The following THSD7A variants were observed in gnomAD, a reference collection of about 807,000 sequenced individuals.
The protein encoded by THSD7A is thrombospondin type-1 domain-containing protein 7A.
In THSD7A, 96 loss-of-function variants were observed where a neutral mutation model predicts 231.3. The observed-to-expected ratio is 0.41, with a 90% CI of 0.35 to 0.49. THSD7A has a LOEUF of 0.49. Ranked by LOEUF, THSD7A falls within the 20% of genes least tolerant of loss-of-function variation. The probability of loss-of-function intolerance (pLI) is 0.05; values close to 1 mark genes in which losing one functional copy is unlikely to be tolerated. For missense variants in THSD7A, 2,290 were observed against 2,070.2 expected (o/e 1.11, Z -2.06); for synonymous variants, 940 against 743.3 (o/e 1.26, Z -4.30).
chr7:11,808,676 T>C (rs1784455783), intron 1 of THSD7A, among the ~76,000 whole-genome samples: 2 of 152,192 alleles, frequency 1.3e-5, no homozygotes, highest in African/African-American at 4.8e-5. Context: ...GGTTTGGTCA[T>C]GTAAACTAGG....
At chr7:11,667,958 G>C (rs1783211091) in intron 1 of THSD7A, among the ~76,000 whole-genome samples, 1 of 152,138 alleles carries the variant, frequency 6.6e-6, no homozygotes, top group Admixed American at 6.6e-5. Context: ...AATAAGAAGA[G>C]GCTTTAGAGA....
chr7:11,691,062 C>A (rs1474579687), intron 1 of THSD7A, among the ~76,000 whole-genome samples: 1 of 151,378 alleles, frequency 6.6e-6, no homozygotes, highest in East Asian at 2.0e-4. Context: ...ATGAAAATGT[C>A]CATAATATGT....
At chr7:11,453,753 C>T (rs369113002) in intron 11 of THSD7A, among the ~76,000 whole-genome samples, 2 of 151,920 alleles carry the variant, frequency 1.3e-5, no homozygotes, top group East Asian at 1.9e-4. Context: ...TTCTACTCTT[C>T]GTAGAAACAT....
intron 13 of THSD7A, among the ~76,000 whole-genome samples, chr7:11,431,729 T>C (rs544893377): frequency 8.3e-4 from 127 of 152,216 alleles, no homozygotes; most frequent in African/African-American, 2.7e-3. Context: ...TGCAAAAAAT[T>C]GCAGCTAGGA....
In THSD7A at chr7:11,646,052, T is replaced by A. The variant is rs907015135; in HGVS notation, c.191-9091A>T. On this transcript the variant is annotated intron_variant, in intron 1 of 27. Transcript: ENST00000423059. ...GCAAAAACAATTTCTTAGAGAAAAT[T>A]CTTCTTCAAGTTAACAGATTCCTAA... is the stretch of plus-strand genomic sequence containing the variant. Among the ~76,000 whole-genome samples, 3 of 151,950 alleles carry A rather than the reference T, an allele frequency of 2.0e-5. No individual in the cohort carries two copies. In the South Asian group the frequency reaches 6.2e-4, roughly 31 times the overall value.
intron 9 of THSD7A, among the ~76,000 whole-genome samples, chr7:11,466,769 G>A (rs1040697342): frequency 3.3e-5 from 5 of 152,032 alleles, no homozygotes; most frequent in Non-Finnish European, 7.4e-5. Context: ...GCCGATTCCC[G>A]AGTTGGCATT....
intron 1 of THSD7A, among the ~76,000 whole-genome samples, chr7:11,685,598 C>G (rs183095391): frequency 4.6e-5 from 7 of 151,972 alleles, no homozygotes; most frequent in Admixed American, 2.6e-4. Context: ...GATACACAAG[C>G]AGCCAACAAA....
intron 1 of THSD7A, among the ~76,000 whole-genome samples, chr7:11,692,701 G>T (rs770562378): frequency 3.3e-5 from 5 of 151,424 alleles, no homozygotes; most frequent in Admixed American, 2.6e-4. Context: ...TAGTTTAAAA[G>T]ACAACAAGAT....
chr7:11,752,828 AG>A (rs1782546143), intron 1 of THSD7A, among the ~76,000 whole-genome samples: 1 of 152,060 alleles, frequency 6.6e-6, no homozygotes, highest in Non-Finnish European at 1.5e-5. Flanking sequence ...CAAGAGGCTG[AG>A]TTGAGAGGAT....
At chr7:11,688,688 T>C (rs771539919) in intron 1 of THSD7A, among the ~76,000 whole-genome samples, 2 of 151,684 alleles carry the variant, frequency 1.3e-5, no homozygotes, top group Non-Finnish European at 1.5e-5. Flanking sequence ...GAAGGAAGTG[T>C]GTGTACAGGT....
intron 4 of THSD7A, among the ~76,000 whole-genome samples, chr7:11,586,121 T>G (rs1413491191): frequency 3.3e-5 from 5 of 152,184 alleles, no homozygotes; most frequent in African/African-American, 1.2e-4. Flanking sequence ...GTGGTATGCT[T>G]AGAAATACAA....
At chr7:11,412,508 G>T in intron 18 of THSD7A, 148 bp downstream of exon 18, 1 of 932,936 alleles carries the variant, frequency 1.1e-6, no homozygotes, top group Non-Finnish European at 1.5e-6. Context: ...AAGTATTTCT[G>T]TCATTTAATA....
At chr7:11,726,368 A>G (rs1336075804) in intron 1 of THSD7A, among the ~76,000 whole-genome samples, 3 of 152,040 alleles carry the variant, frequency 2.0e-5, no homozygotes, top group African/African-American at 7.2e-5. Flanking sequence ...AAGTCGCAGA[A>G]ACAATGATTA....
chr7:11,723,172 TG>T (rs1467485088), intron 1 of THSD7A, among the ~76,000 whole-genome samples: 1 of 151,958 alleles, frequency 6.6e-6, no homozygotes, highest in East Asian at 1.9e-4. Context: ...TCATGCCCTT[TG>T]TAGGGACATG....
At chr7:11,481,659 A>G in intron 7 of THSD7A, 129 bp downstream of exon 7, 1 of 972,866 alleles carries the variant, frequency 1.0e-6, no homozygotes, top group Non-Finnish European at 1.5e-6. Flanking sequence ...ATCAACAGAT[A>G]TTAAATCTTG....
rs1554275662 is a variant in THSD7A at position 11,769,121 on chromosome 7, C to CAT, written c.190+62635_190+62636insAT. On this transcript the variant is annotated intron_variant, in intron 1 of 27. Transcript: ENST00000423059. ...TACAGGCACCTGCCATAATTCCTGG[C>CAT]AATATATATATATATATATATATAT... Among the ~76,000 whole-genome samples, 36 of 55,988 alleles carry CAT rather than the reference C, an allele frequency of 6.4e-4. 1 individual carries two copies. The highest frequency in any genetic ancestry group is 9.3e-4 in the Non-Finnish European group (27 of 29,070). The allele number at this position is 55,988 out of a possible 152,430, so 36.7% of individuals were successfully genotyped here.
chr7:11,555,815 T>C (rs1789821080), intron 4 of THSD7A, among the ~76,000 whole-genome samples: 1 of 151,858 alleles, frequency 6.6e-6, no homozygotes. Flanking sequence ...TTTGTCATTA[T>C]ATAATTATAT....
intron 1 of THSD7A, chr7:11,821,019 G>A (rs1231670838): frequency 1.5e-5 from 15 of 992,560 alleles, no homozygotes; most frequent in Non-Finnish European, 2.3e-5. Flanking sequence ...CTTGTAGCCA[G>A]GTTTTCTGGG....
intron 23 of THSD7A, among the ~76,000 whole-genome samples, chr7:11,389,274 G>A (rs967439696): frequency 3.4e-4 from 51 of 151,882 alleles, no homozygotes; most frequent in African/African-American, 1.0e-3. Flanking sequence ...GAATCCGGGC[G>A]CTCCTGCATT....
Sources: allele counts gnomAD v4.1 joint callset (sites outside exome capture counted in the v4.1 genomes callset), GRCh38; gene constraint gnomAD v4.1.1; transcripts MANE v1.5; gene names NCBI Gene and HGNC (gene_info 2026-07-23, HGNC 2026-07-21).